The following MYBPC1 variants were observed in gnomAD, a reference collection of about 807,000 sequenced individuals.
The protein encoded by MYBPC1 is myosin-binding protein C, slow-type.
MYBPC1 carries 52 observed loss-of-function variants against 147.1 expected under a neutral mutation model. That is an observed-to-expected ratio of 0.35 (90% confidence interval 0.28 to 0.45). The LOEUF (loss-of-function observed/expected upper bound fraction) is 0.45, where lower values mean the gene tolerates loss of function less well. MYBPC1 is among the 20% of genes least tolerant of loss of function. MYBPC1 has a pLI of 1.00. For missense variants in MYBPC1, 1,228 were observed against 1,440.3 expected (o/e 0.85, Z 2.39); for synonymous variants, 477 against 475.9 (o/e 1.00, Z -0.03).
At chr12:101,631,863 C>T (rs1013528438) in intron 7 of MYBPC1, 144 bp downstream of exon 7, 28 of 1,370,518 alleles carry the variant, frequency 2.0e-5, no homozygotes, top group East Asian at 1.2e-4. Context: ...CACTCTATTG[C>T]GATTGCCCGG....
intron 3 of MYBPC1, among the ~76,000 whole-genome samples, chr12:101,624,709 T>TTTA (rs1481546829): frequency 8.2e-6 from 1 of 122,534 alleles, no homozygotes; most frequent in Non-Finnish European, 1.7e-5. Flanking sequence ...TTTTTTTTTT[T>TTTA]ACGGAGAGAG....
downstream of MYBPC1, among the ~76,000 whole-genome samples, chr12:101,687,903 A>G (rs1053990037): frequency 6.6e-6 from 1 of 152,184 alleles, no homozygotes; most frequent in Non-Finnish European, 1.5e-5. Context: ...GTACTAGATA[A>G]TGTTACTTTT....
intron 11 of MYBPC1, among the ~76,000 whole-genome samples, chr12:101,643,413 G>A (rs1892462573): frequency 1.3e-5 from 2 of 152,124 alleles, no homozygotes; most frequent in African/African-American, 4.8e-5. Context: ...CTACAGGGGA[G>A]AGCCAGCTGA....
intron 11 of MYBPC1, 24 bp from the exon 12 acceptor site, chr12:101,644,640 C>T (rs369196617): frequency 1.3e-6 from 2 of 1,593,878 alleles, no homozygotes; most frequent in Non-Finnish European, 1.7e-6. Flanking sequence ...TATTAACATA[C>T]TTTTGCTTCT....
At chr12:101,670,100 G>A in intron 23 of MYBPC1, 1 of 603,166 alleles carries the variant, frequency 1.7e-6, no homozygotes. Context: ...GAGTCAAACT[G>A]TTAAAACATC....
At chr12:101,626,088 CAAAAAAAAAAA>C (rs769008600) in intron 3 of MYBPC1, among the ~76,000 whole-genome samples, 1 of 55,076 alleles carries the variant, frequency 1.8e-5, no homozygotes, top group Non-Finnish European at 3.5e-5. Flanking sequence ...AACTCTGTCT[CAAAAAAAAAAA>C]AAAAAAAAAA....
intron 1 of MYBPC1, among the ~76,000 whole-genome samples, chr12:101,597,910 A>C (rs1315222056): frequency 6.6e-6 from 1 of 152,120 alleles, no homozygotes; most frequent in Non-Finnish European, 1.5e-5. Context: ...GGGATCTCCC[A>C]GGATGCCTTT....
At chr12:101,608,191 A>G (rs1882977206) in intron 1 of MYBPC1, among the ~76,000 whole-genome samples, 1 of 152,234 alleles carries the variant, frequency 6.6e-6, no homozygotes, top group East Asian at 1.9e-4. Context: ...AAGTCTGTAT[A>G]TGTTCATTAG....
intron 1 of MYBPC1, among the ~76,000 whole-genome samples, chr12:101,604,640 A>G (rs867734231): frequency 2.4e-4 from 36 of 152,348 alleles, no homozygotes; most frequent in African/African-American, 7.7e-4. Context: ...TAAATTATAG[A>G]TATCAGTTAT....
At chr12:101,686,738 C>G (rs922125658), downstream of MYBPC1, among the ~76,000 whole-genome samples, 2 of 152,112 alleles carry the variant, frequency 1.3e-5, no homozygotes, top group African/African-American at 2.4e-5. Flanking sequence ...TTAAACATAT[C>G]TGCTCTTTTT....
intron 1 of MYBPC1, among the ~76,000 whole-genome samples, chr12:101,613,861 G>A (rs1050003968): frequency 4.6e-5 from 7 of 152,124 alleles, no homozygotes; most frequent in East Asian, 3.9e-4. Context: ...GAATTGCACC[G>A]TCCTTGTAAA....
At chr12:101,607,175 C>A (rs1882550610) in intron 1 of MYBPC1, among the ~76,000 whole-genome samples, 1 of 152,084 alleles carries the variant, frequency 6.6e-6, no homozygotes, top group African/African-American at 2.4e-5. Context: ...TATGAATGTC[C>A]CCATGAAAGC....
chr12:101,680,253 GC>G, intron 28 of MYBPC1, 89 bp from the exon 29 acceptor site: 1 of 1,265,586 alleles, frequency 7.9e-7, no homozygotes, highest in South Asian at 1.3e-5. Context: ...TTTAAGCCAT[GC>G]TTTAAAATTC....
chr12:101,618,625 C>T (rs894694903), intron 3 of MYBPC1, among the ~76,000 whole-genome samples: 1 of 152,172 alleles, frequency 6.6e-6, no homozygotes, highest in Non-Finnish European at 1.5e-5. Context: ...GTGCCTGACC[C>T]TTAATTTGAA....
intron 1 of MYBPC1, among the ~76,000 whole-genome samples, chr12:101,606,107 A>C (rs1230603617): frequency 6.6e-6 from 1 of 150,726 alleles, no homozygotes; most frequent in Non-Finnish European, 1.5e-5. Flanking sequence ...TGGGAAGATC[A>C]TCTGAGCCTG....
At position 101,675,385 on chromosome 12, in the gene MYBPC1, C is replaced by G. The variant is rs755894383; in HGVS notation, c.2903C>G (p.Ala968Gly). The part of the protein sequence containing the change: ...TWTPPKDDGN[A>G]AITGYTIQKA... ...ACTCCACCAAAGGATGATGGAAATG[C>G]TGCTATCACAGGCTATACCATTCAG... The change falls in exon 26 of 32, where the codon GCT becomes GGT. Residue 968 changes from alanine to glycine, a missense_variant. Physicochemically the swap from Ala to Gly is moderately conservative, Grantham distance 60. Transcript: ENST00000361466. 4 of 1,614,130 alleles carry G rather than the reference C, an allele frequency of 2.5e-6. No individual in the cohort carries two copies. The highest frequency in any genetic ancestry group is 3.4e-6 in the Non-Finnish European group (4 of 1,180,000).
At chr12:101,654,595 C>G (rs947282336) in intron 18 of MYBPC1, among the ~76,000 whole-genome samples, 6 of 152,258 alleles carry the variant, frequency 3.9e-5, no homozygotes, top group South Asian at 2.1e-4. Context: ...GAGGAGAGAG[C>G]TGCACAGAGA....
At chr12:101,693,771 G>T in the MYBPC1 span, among the ~76,000 whole-genome samples, 2 of 151,032 alleles carry the variant, frequency 1.3e-5, no homozygotes, top group South Asian at 4.2e-4. Flanking sequence ...ACAAGTAAAA[G>T]AAATTTTAGC....
rs767164319 is a variant in MYBPC1, at chr12:101,649,320, G to C, written c.1257G>C (p.Glu419Asp). ...AATCAAGATACCGAATTAGAGTTGA[G>C]GGTAAAAAACACATCTTGATCATAG... The part of the protein sequence containing the change: ...GPKSRYRIRV[E>D]GKKHILIIEG... The change falls in exon 15 of 32, where the codon GAG becomes GAC. Residue 419 changes from glutamate to aspartate, a missense_variant. This residue lies in a region of MYBPC1 where 1,077 missense variants were observed against 1,314.2 expected (regional missense o/e 0.82). Transcript: ENST00000361466. 2.5e-6 allele frequency: 4 copies of C among 1,613,840 alleles called. No individual in the cohort carries two copies. The South Asian group carries it at 3.3e-5, about 13-fold the overall frequency.
Sources: allele counts gnomAD v4.1 joint callset (sites outside exome capture counted in the v4.1 genomes callset), GRCh38; gene constraint gnomAD v4.1.1; regional missense constraint gnomAD v4.1.1; transcripts MANE v1.5; gene names NCBI Gene and HGNC (gene_info 2026-07-23, HGNC 2026-07-21).